The following GRM5 variants were observed in gnomAD, a reference collection of about 807,000 sequenced individuals.
GRM5 encodes the protein metabotropic glutamate receptor 5.
A neutral mutation model predicts 83.1 loss-of-function variants in GRM5; 19 were observed. The ratio of observed to expected loss-of-function variants is 0.23; its 90% CI spans 0.16 to 0.34. The LOEUF is 0.34. Among genes scored for constraint, GRM5 ranks in the 10% least tolerant of loss-of-function variants. The pLI is 1.00. For missense variants in GRM5, 1,160 were observed against 1,588.3 expected (o/e 0.73, Z 4.58); for synonymous variants, 675 against 633.6 (o/e 1.07, Z -0.98).
chr11:89,037,774 G>T (rs1941426998), intron 2 of GRM5, among the ~76,000 whole-genome samples: 2 of 151,992 alleles, frequency 1.3e-5, no homozygotes, highest in Non-Finnish European at 2.9e-5. Flanking sequence ...AAATGACATT[G>T]TCACAGAATA....
At chr11:88,941,498 AGGG>A (rs140923632) in intron 2 of GRM5, among the ~76,000 whole-genome samples, 25,542 of 67,658 alleles carry the variant, frequency 0.38, 5,334 homozygotes, top group South Asian at 0.5. Context: ...AGGGGAGAGG[AGGG>A]GAGAGGAGGG....
chr11:88,874,359 G>A (rs565966147), intron 2 of GRM5, among the ~76,000 whole-genome samples: 28 of 151,830 alleles, frequency 1.8e-4, no homozygotes, highest in African/African-American at 2.9e-4. Context: ...CCTTAATAAA[G>A]GGTGATGATA....
At chr11:88,575,824 C>T (rs76244341) in intron 7 of GRM5, among the ~76,000 whole-genome samples, 8,096 of 152,268 alleles carry the variant, frequency 0.053, 690 homozygotes, top group African/African-American at 0.18. Context: ...TATTCCCCAT[C>T]CTTCAAGGTT....
chr11:88,515,104 A>G (rs1941487939), intron 9 of GRM5, among the ~76,000 whole-genome samples: 1 of 152,106 alleles, frequency 6.6e-6, no homozygotes, highest in Non-Finnish European at 1.5e-5. Flanking sequence ...ATGTTCATTC[A>G]CGGTGGGTTA....
intron 2 of GRM5, among the ~76,000 whole-genome samples, chr11:88,995,406 G>T (rs948211265): frequency 2.0e-5 from 3 of 151,718 alleles, no homozygotes; most frequent in South Asian, 4.2e-4. Flanking sequence ...TTAGCCGGGC[G>T]TGTTTGCAGG....
chr11:88,515,798 A>C (rs1941503716), intron 9 of GRM5, among the ~76,000 whole-genome samples: 1 of 152,226 alleles, frequency 6.6e-6, no homozygotes, highest in South Asian at 2.1e-4. Flanking sequence ...ACAAAGCCAG[A>C]CATAGCTGTT....
intron 6 of GRM5, among the ~76,000 whole-genome samples, chr11:88,593,427 C>T (rs927841106): frequency 6.6e-6 from 1 of 151,980 alleles, no homozygotes; most frequent in Non-Finnish European, 1.5e-5. Context: ...CCTGTAATCC[C>T]AGCACTTTGG....
chr11:88,681,463 T>C (rs2135345798), intron 3 of GRM5, among the ~76,000 whole-genome samples: 1 of 151,740 alleles, frequency 6.6e-6, no homozygotes, highest in South Asian at 2.1e-4. Flanking sequence ...TGTATCCCAG[T>C]GCTATTTGTT....
intron 4 of GRM5, among the ~76,000 whole-genome samples, chr11:88,644,256 G>A (rs1939379191): frequency 6.6e-6 from 1 of 152,172 alleles, no homozygotes; most frequent in Admixed American, 6.5e-5. Context: ...CCCAGGCAAA[G>A]TATCTACAGT....
intron 8 of GRM5, among the ~76,000 whole-genome samples, chr11:88,555,177 T>C (rs778356721): frequency 3.9e-5 from 6 of 152,152 alleles, no homozygotes; most frequent in Non-Finnish European, 7.4e-5. Context: ...CTGACTCATA[T>C]CACTGGTGTG....
At chr11:88,573,574 G>C (rs1310548482) in intron 7 of GRM5, among the ~76,000 whole-genome samples, 1 of 152,156 alleles carries the variant, frequency 6.6e-6, no homozygotes, top group Non-Finnish European at 1.5e-5. Flanking sequence ...TGTGCTCTCA[G>C]CTGCTGGTTA....
chr11:89,048,959 A>C (rs761048669), intron 1 of GRM5, among the ~76,000 whole-genome samples: 4 of 152,200 alleles, frequency 2.6e-5, no homozygotes, highest in African/African-American at 7.2e-5. Flanking sequence ...CAAGATATCA[A>C]CGAAATAAAC....
intron 5 of GRM5, among the ~76,000 whole-genome samples, chr11:88,602,754 T>C (rs1008948871): frequency 1.3e-5 from 2 of 152,200 alleles, no homozygotes; most frequent in African/African-American, 2.4e-5. Context: ...GGGCAAGTCA[T>C]TGAACTTTTG....
intron 4 of GRM5, among the ~76,000 whole-genome samples, chr11:88,623,252 AT>A (rs5793338): frequency 3.3e-5 from 5 of 151,570 alleles, no homozygotes; most frequent in African/African-American, 1.2e-4. Context: ...TGCCCGGCTA[AT>A]TTTTTGTATT....
chr11:88,989,842 T>G (rs1939896776), intron 2 of GRM5, among the ~76,000 whole-genome samples: 1 of 151,388 alleles, frequency 6.6e-6, no homozygotes, highest in South Asian at 2.1e-4. Flanking sequence ...TACCAGAATC[T>G]CTGGGACGCA....
chr11:88,737,186 C>T (rs1259691377), intron 3 of GRM5, among the ~76,000 whole-genome samples: 1 of 152,028 alleles, frequency 6.6e-6, no homozygotes, highest in Non-Finnish European at 1.5e-5. Flanking sequence ...TCATAAGTTA[C>T]TGCTTCTTAT....
At chr11:89,026,636 G>A (rs1941136704) in intron 2 of GRM5, among the ~76,000 whole-genome samples, 1 of 152,184 alleles carries the variant, frequency 6.6e-6, no homozygotes, top group Non-Finnish European at 1.5e-5. Flanking sequence ...AAAATAAAAT[G>A]AGATTCTATA....
chr11:88,823,718 T>C (rs1943843865), intron 3 of GRM5, among the ~76,000 whole-genome samples: 1 of 152,152 alleles, frequency 6.6e-6, no homozygotes, highest in Admixed American at 6.5e-5. Flanking sequence ...CATTCTAGGA[T>C]CCCAACTGGA....
intron 2 of GRM5, among the ~76,000 whole-genome samples, chr11:88,979,826 G>A (rs1322259422): frequency 6.6e-6 from 1 of 152,040 alleles, no homozygotes; most frequent in Non-Finnish European, 1.5e-5. Context: ...AAATCAATGA[G>A]TAACTGAGCA....
Sources: allele counts gnomAD v4.1 joint callset (sites outside exome capture counted in the v4.1 genomes callset), GRCh38; gene constraint gnomAD v4.1.1; transcripts MANE v1.5; gene names NCBI Gene and HGNC (gene_info 2026-07-23, HGNC 2026-07-21).